Variants in CDKAL1 observed in about 807,000 individuals in gnomAD.
The protein encoded by CDKAL1 is CDKAL1 threonylcarbamoyladenosine tRNA methylthiotransferase.
A neutral mutation model predicts 68.2 loss-of-function variants in CDKAL1; 32 were observed. The ratio of observed to expected loss-of-function variants is 0.47; its 90% CI spans 0.35 to 0.63. The LOEUF (loss-of-function observed/expected upper bound fraction) is 0.63. Among genes scored for constraint, CDKAL1 ranks in the 30% least tolerant of loss-of-function variants. The pLI is 0.00. For synonymous variants in CDKAL1, 234 were observed against 244.3 expected (o/e 0.96, Z 0.39); for missense variants, 606 against 696.7 (o/e 0.87, Z 1.47).
chr6:20,738,386 A>G (rs1405268218), intron 5 of CDKAL1, among the ~76,000 whole-genome samples: 3 of 152,070 alleles, frequency 2.0e-5, no homozygotes, highest in Non-Finnish European at 4.4e-5. Flanking sequence ...CGAGTGAATA[A>G]TGTCACATCA....
At chr6:21,214,150 A>G (rs1447812233) in intron 15 of CDKAL1, among the ~76,000 whole-genome samples, 2 of 152,172 alleles carry the variant, frequency 1.3e-5, no homozygotes, top group African/African-American at 4.8e-5. Context: ...AAACTAGGTT[A>G]AAGCTTACCA....
At chr6:20,911,396 T>C (rs1469832434) in intron 9 of CDKAL1, among the ~76,000 whole-genome samples, 2 of 152,198 alleles carry the variant, frequency 1.3e-5, no homozygotes, top group African/African-American at 4.8e-5. Context: ...AAGGAGGCGC[T>C]CTGTTGAGTT....
chr6:20,720,611 A>G (rs778957350), intron 5 of CDKAL1, among the ~76,000 whole-genome samples: 2 of 151,888 alleles, frequency 1.3e-5, no homozygotes, highest in African/African-American at 2.4e-5. Context: ...GGCTCAAGCA[A>G]TTCTCCTGCC....
intron 9 of CDKAL1, among the ~76,000 whole-genome samples, chr6:20,853,376 T>A (rs1759123269): frequency 7.8e-6 from 1 of 128,154 alleles, no homozygotes; most frequent in African/African-American, 3.2e-5. Context: ...GGGGATTTCG[T>A]CTCAAAAAAC....
At position 21,171,578 on chromosome 6, in the gene CDKAL1, T is replaced by TTTC. The variant is rs1777390967; in HGVS notation, c.1300-26443_1300-26442insTTC. On this transcript the variant is annotated intron_variant, in intron 13 of 15. Coordinates refer to ENST00000274695, the MANE Select transcript of CDKAL1 (RefSeq NM_017774.3). ...CTGAAGTTCTCAGAAACCTTTTCTG[T>TTTC]AATGGCTACATAATACTATGCCATT... 3.3e-5 allele frequency among the ~76,000 whole-genome samples: 5 copies of TTTC among 152,360 alleles called. No homozygotes were observed. The South Asian group carries it at 1.0e-3, about 32-fold the overall frequency.
chr6:20,952,120 G>T (rs985752861), intron 9 of CDKAL1, among the ~76,000 whole-genome samples: 3 of 151,494 alleles, frequency 2.0e-5, no homozygotes, highest in African/African-American at 4.9e-5. Context: ...CACCATGCCC[G>T]GCTAATTTTT....
At chr6:20,984,561 A>G (rs973923256) in intron 10 of CDKAL1, among the ~76,000 whole-genome samples, 1 of 152,120 alleles carries the variant, frequency 6.6e-6, no homozygotes, top group Admixed American at 6.6e-5. Flanking sequence ...TCCAGGAGGA[A>G]TGAGGTTGCA....
intron 13 of CDKAL1, among the ~76,000 whole-genome samples, chr6:21,120,792 A>T (rs1431571753): frequency 3.9e-5 from 6 of 152,250 alleles, no homozygotes; most frequent in Middle Eastern, 6.8e-3. Context: ...ATTCTTTTTT[A>T]AAAAAATAGC....
intron 13 of CDKAL1, among the ~76,000 whole-genome samples, chr6:21,143,921 C>T (rs1203360036): frequency 1.3e-5 from 2 of 152,018 alleles, no homozygotes. Flanking sequence ...TCTCACGATA[C>T]TGAGTAGCCT....
rs75242439 is a variant in CDKAL1, at chr6:20,963,780, G to A, written c.909+8195G>A. On this transcript the variant is annotated intron_variant, in intron 10 of 15. Transcript: ENST00000274695. ...TATGGCCATCAATAATTTATACAGAGACCTATCTTATGTGCTTCACTGGTA... is the reference window on the plus strand; with the variant it reads ...TATGGCCATCAATAATTTATACAGAAACCTATCTTATGTGCTTCACTGGTA... 1.2e-3 allele frequency among the ~76,000 whole-genome samples: 179 copies of A among 152,178 alleles called. 4 individuals are homozygous for A. The East Asian group carries it at 0.033, about 28-fold the overall frequency.
At position 20,613,249 on chromosome 6, in the gene CDKAL1, C is replaced by CTTTTTTTTTTTTT. The variant is rs71559677; in HGVS notation, c.287-36013_287-36001dup. ...TATCAGTTCATCACAAAATTTCTTT[C>CTTTTTTTTTTTTT]TTTTTTTTTTTTTTTTTTTTTTTTT... is the stretch of plus-strand genomic sequence containing the variant. On this transcript the variant is annotated intron_variant, in intron 4 of 15. Transcript: ENST00000274695. Among the ~76,000 whole-genome samples, 26 of 77,862 alleles carry CTTTTTTTTTTTTT rather than the reference C, an allele frequency of 3.3e-4. 5 individuals carry two copies. Among genetic ancestry groups the CTTTTTTTTTTTTT allele is most frequent in the East Asian group, 6.0e-4 (2 of 3,352 alleles). 51.1% of individuals were successfully genotyped at this position (77,862 alleles called of 152,430 possible). A position where few individuals can be genotyped will look rare whatever the true frequency, so the allele number is the denominator to read the frequency against.
chr6:20,604,702 C>T (rs896502552), intron 4 of CDKAL1, among the ~76,000 whole-genome samples: 1 of 152,182 alleles, frequency 6.6e-6, no homozygotes, highest in Non-Finnish European at 1.5e-5. Context: ...GAATGGCTTA[C>T]TGAATACTCC....
chr6:20,886,046 C>CA (rs1415329908), intron 9 of CDKAL1, among the ~76,000 whole-genome samples: 3 of 152,016 alleles, frequency 2.0e-5, no homozygotes, highest in Non-Finnish European at 4.4e-5. Flanking sequence ...CCGTCCCCCA[C>CA]AAAAAAGAAC....
At chr6:20,956,090 G>GTAC (rs1252021042) in intron 10 of CDKAL1, among the ~76,000 whole-genome samples, 1 of 152,174 alleles carries the variant, frequency 6.6e-6, no homozygotes, top group Non-Finnish European at 1.5e-5. Context: ...ACAGAGCAAG[G>GTAC]TACTCTTCCA....
intron 9 of CDKAL1, among the ~76,000 whole-genome samples, chr6:20,872,489 T>C (rs1015608553): frequency 4.6e-5 from 7 of 152,162 alleles, no homozygotes; most frequent in Middle Eastern, 3.2e-3. Context: ...GTTTAGAAGA[T>C]GATAGAGTTA....
intron 5 of CDKAL1, among the ~76,000 whole-genome samples, chr6:20,671,111 G>C (rs73732732): frequency 0.093 from 14,088 of 152,192 alleles, 2,096 homozygotes; most frequent in African/African-American, 0.31. Flanking sequence ...CTCCAAAAGG[G>C]TTGTAACACT....
intron 12 of CDKAL1, among the ~76,000 whole-genome samples, chr6:21,076,217 T>C (rs1424113855): frequency 1.3e-5 from 2 of 152,188 alleles, no homozygotes; most frequent in East Asian, 3.8e-4. Flanking sequence ...ACATTGTTGC[T>C]GTGGGTGTTC....
chr6:21,039,188 G>T (rs1197819754), intron 11 of CDKAL1, among the ~76,000 whole-genome samples: 1 of 152,126 alleles, frequency 6.6e-6, no homozygotes, highest in East Asian at 1.9e-4. Flanking sequence ...ACAGGAGCAC[G>T]AACCCTATTG....
intron 10 of CDKAL1, among the ~76,000 whole-genome samples, chr6:20,988,182 A>ATGTGTG (rs58720900): frequency 0.12 from 16,756 of 137,286 alleles, 1,126 homozygotes; most frequent in Middle Eastern, 0.18. Flanking sequence ...GAAACATAAT[A>ATGTGTG]TGTGTGTGTG....
Sources: gnomAD v4.1 joint callset for allele counts (sites outside exome capture counted in the v4.1 genomes callset) on GRCh38, gnomAD v4.1.1 for gene constraint, MANE v1.5 for transcripts, NCBI Gene and HGNC (gene_info 2026-07-23, HGNC 2026-07-21) for gene names.